Variants in LHFPL2 observed in about 807,000 individuals in gnomAD.
LHFPL2 encodes the protein LHFPL tetraspan subfamily member 2, also known as LHFPL tetraspan subfamily member 2 protein.
LHFPL2 carries 7 observed loss-of-function variants against 17.5 expected under a neutral mutation model. The ratio of observed to expected loss-of-function variants is 0.40; its 90% CI spans 0.23 to 0.75. The LOEUF (loss-of-function observed/expected upper bound fraction) is 0.75. Among genes scored for constraint, LHFPL2 ranks in the 30% least tolerant of loss-of-function variants. The pLI is 0.37. For synonymous variants in LHFPL2, 134 were observed against 116.2 expected, an observed-to-expected ratio of 1.15 and a Z score of -0.99; for missense variants, 241 against 294.8, an observed-to-expected ratio of 0.82 and a Z score of 1.34.
At chr5:78,515,572 T>G (rs1755267713) in intron 3 of LHFPL2, among the ~76,000 whole-genome samples, 1 of 152,226 alleles carries the variant, frequency 6.6e-6, no homozygotes, top group Non-Finnish European at 1.5e-5. Flanking sequence ...AGAATGTATG[T>G]GCTTTTGCCT....
rs112060052 is a variant in LHFPL2 at position 78,490,619 on chromosome 5, A to G, written c.431-1466T>C. Among the ~76,000 whole-genome samples the G allele has an allele frequency of 2.1e-3, 320 of 151,928 alleles. 1 individual carries two copies. The highest frequency in any genetic ancestry group is 6.3e-3 in the African/African-American group (261 of 41,434). Reference sequence around the variant, plus strand: ...ACAAAAATTAGCTGGGCGTGGTGGCACACCTGTAGTCCCGGCTACTGGGAA... The same window carrying G: ...ACAAAAATTAGCTGGGCGTGGTGGCGCACCTGTAGTCCCGGCTACTGGGAA... On this transcript the variant is annotated intron_variant, in intron 4 of 4. Transcript: ENST00000380345.
intron 2 of LHFPL2, among the ~76,000 whole-genome samples, chr5:78,613,785 C>T (rs1465297799): frequency 6.6e-6 from 1 of 152,150 alleles, no homozygotes; most frequent in Non-Finnish European, 1.5e-5. Flanking sequence ...GTCCAAAATC[C>T]AGCTCTACCA....
rs1755068621 is a variant in LHFPL2 at position 78,510,180 on chromosome 5, G to C, written c.34C>G (p.Leu12Val). 1 of 1,603,662 alleles carries C rather than the reference G, an allele frequency of 6.2e-7. No homozygotes were observed. Among genetic ancestry groups the C allele is most frequent in the South Asian group, 1.1e-5 (1 of 90,788 alleles). Reference sequence around the variant, plus strand: ...ACCACAATACTCAGCAAGGTCCAGAGCATCGAGCGACAGGTGACAATGACA... The same window carrying C: ...ACCACAATACTCAGCAAGGTCCAGACCATCGAGCGACAGGTGACAATGACA... ...CHVIVTCRSM[L>V]WTLLSIVVAF... Residue 12 changes from leucine to valine, a missense_variant, in exon 4 of 5, where the codon CTC becomes GTC. Leu to Val is a conservative substitution (Grantham distance 32). Transcript: ENST00000380345.
Position 78,591,781 on chromosome 5 carries a change from G to A in LHFPL2, c.-244-26910C>T, listed in dbSNP as rs562021353. ...AGCCAGGAGACCTTGTGCCATGGGG[G>A]CTGCAGAAACAGAAAGGAAGCTTAC... is the stretch of plus-strand genomic sequence containing the variant. On this transcript the variant is annotated intron_variant, in intron 2 of 4. Coordinates refer to ENST00000380345, the MANE Select transcript of LHFPL2 (RefSeq NM_005779.3). 7.2e-5 allele frequency among the ~76,000 whole-genome samples: 11 copies of A among 152,336 alleles called. No individual in the cohort carries two copies. The East Asian group carries it at 1.9e-3, about 27-fold the overall frequency.
chr5:78,514,337 C>A (rs1330152255), intron 3 of LHFPL2, among the ~76,000 whole-genome samples: 1 of 137,952 alleles, frequency 7.2e-6, no homozygotes, highest in Non-Finnish European at 1.5e-5. Context: ...CAACGGTGTG[C>A]AAAGTAAAGC....
intron 4 of LHFPL2, among the ~76,000 whole-genome samples, chr5:78,505,445 G>GA (rs977041124): frequency 2.6e-5 from 4 of 152,204 alleles, no homozygotes; most frequent in Admixed American, 2.0e-4. Context: ...AGAAGGAATG[G>GA]AAAATGTGTG....
intron 2 of LHFPL2, among the ~76,000 whole-genome samples, chr5:78,615,699 T>A (rs1744576673): frequency 6.6e-6 from 1 of 152,152 alleles, no homozygotes. Flanking sequence ...AAAACAAAAT[T>A]TGATTCAAAA....
At chr5:78,578,684 T>C (rs1401665866) in intron 2 of LHFPL2, among the ~76,000 whole-genome samples, 2 of 152,124 alleles carry the variant, frequency 1.3e-5, no homozygotes, top group African/African-American at 2.4e-5. Flanking sequence ...TAGAGACATG[T>C]ACTTTACCAA....
chr5:78,553,306 G>A (rs1756495079), intron 3 of LHFPL2, among the ~76,000 whole-genome samples: 1 of 152,092 alleles, frequency 6.6e-6, no homozygotes, highest in African/African-American at 2.4e-5. Context: ...CATTTTCAAG[G>A]CCCAATTGAG....
intron 2 of LHFPL2, chr5:78,625,276 C>T (rs1306493040): frequency 6.6e-6 from 1 of 152,274 alleles, no homozygotes; most frequent in African/African-American, 2.4e-5. Flanking sequence ...CCAAGTCACA[C>T]ATCCCTCTGA....
chr5:78,599,251 T>C (rs1487394398), intron 2 of LHFPL2, among the ~76,000 whole-genome samples: 1 of 152,158 alleles, frequency 6.6e-6, no homozygotes, highest in Admixed American at 6.5e-5. Context: ...TTACTAGATA[T>C]AAAAACTTCC....
intron 2 of LHFPL2, among the ~76,000 whole-genome samples, chr5:78,592,670 T>TACAC (rs371054360): frequency 1.6e-4 from 9 of 55,942 alleles, no homozygotes; most frequent in South Asian, 1.1e-3. Context: ...AAAATTCAGA[T>TACAC]ACACACACAC....
chr5:78,638,588 A>G (rs1745547456), intron 1 of LHFPL2, among the ~76,000 whole-genome samples: 2 of 152,194 alleles, frequency 1.3e-5, no homozygotes, highest in South Asian at 2.1e-4. Context: ...GGGTATGATT[A>G]GCTTCCTCTG....
In LHFPL2 at chr5:78,527,375, T is replaced by G. The variant is rs1013896415; in HGVS notation, c.-185-16977A>C. Among the ~76,000 whole-genome samples, 6 of 150,852 alleles carry G rather than the reference T, an allele frequency of 4.0e-5. No homozygotes were observed. The South Asian group carries it at 6.3e-4, about 16-fold the overall frequency. ...ATGCTGATGAGGAGTTTTTTTTTTT[T>G]TTTTTTTTTTTCCAAAAGTTCAAAT... On this transcript the variant is annotated intron_variant, in intron 3 of 4. Coordinates refer to ENST00000380345, the MANE Select transcript of LHFPL2 (RefSeq NM_005779.3).
At chr5:78,495,058 C>T (rs1400907891) in intron 4 of LHFPL2, among the ~76,000 whole-genome samples, 6 of 152,188 alleles carry the variant, frequency 3.9e-5, no homozygotes, top group African/African-American at 1.4e-4. Context: ...TTAATCAAAT[C>T]CCTTAGGTGG....
intron 3 of LHFPL2, among the ~76,000 whole-genome samples, chr5:78,511,038 T>C (rs1755104768): frequency 6.6e-6 from 1 of 152,084 alleles, no homozygotes; most frequent in African/African-American, 2.4e-5. Flanking sequence ...CCCATACCTA[T>C]ACTTTATCCA....
intron 2 of LHFPL2, among the ~76,000 whole-genome samples, chr5:78,566,563 T>C (rs1756865828): frequency 6.6e-6 from 1 of 152,034 alleles, no homozygotes; most frequent in Non-Finnish European, 1.5e-5. Flanking sequence ...TCCTGGGCGA[T>C]TCTCTTGCCT....
intron 4 of LHFPL2, among the ~76,000 whole-genome samples, chr5:78,501,366 C>G (rs934458175): frequency 1.3e-5 from 2 of 152,154 alleles, no homozygotes; most frequent in African/African-American, 2.4e-5. Context: ...ATGGGAGAAG[C>G]CTTAGCACAG....
intron 1 of LHFPL2, among the ~76,000 whole-genome samples, chr5:78,637,277 T>C (rs1010926904): frequency 1.1e-4 from 17 of 151,750 alleles, no homozygotes; most frequent in African/African-American, 3.9e-4. Flanking sequence ...CTTGAAGTTA[T>C]AGGGTATGTG....
Sources: allele counts gnomAD v4.1 joint callset (sites outside exome capture counted in the v4.1 genomes callset), GRCh38; gene constraint gnomAD v4.1.1; transcripts MANE v1.5; gene names NCBI Gene and HGNC (gene_info 2026-07-23, HGNC 2026-07-21).